Variants in TREML2 observed in about 807,000 individuals in gnomAD.
TREML2 encodes trem-like transcript 2 protein.
Under a neutral mutation model 25.9 loss-of-function variants are expected in TREML2, and 24 were observed. The observed-to-expected ratio is 0.93, with a 90% confidence interval of 0.67 to 1.30. The LOEUF is 1.30. TREML2 is among the 50% of genes most tolerant of loss of function. The pLI is 0.00. For missense variants in TREML2, 359 were observed against 395.6 expected (o/e 0.91, Z 0.78); for synonymous variants, 139 against 155.2 (o/e 0.90, Z 0.77).
rs116704654 is a variant in TREML2 at position 41,195,395 on chromosome 6, G to T, written c.377-562C>A. ...CATCCCATTTTCTAGAAGAAGCCTG[G>T]GTTTTGGACAGTGGATGAGGAGGGA... On this transcript the variant is annotated intron_variant, in intron 2 of 4. Transcript: ENST00000483722. 8.4e-3 allele frequency among the ~76,000 whole-genome samples: 1,285 copies of T among 152,258 alleles called. 11 individuals carry two copies. The highest frequency in any genetic ancestry group is 0.029 in the African/African-American group (1,189 of 41,544).
intron 1 of TREML2, among the ~76,000 whole-genome samples, chr6:41,199,728 ACT>A (rs1384624147): frequency 2.0e-5 from 3 of 151,628 alleles, no homozygotes; most frequent in Non-Finnish European, 4.4e-5. Flanking sequence ...ATATAAAAAG[ACT>A]CTCCCCCATA....
rs767759980 is a variant in TREML2 at position 41,198,309 on chromosome 6, C to A, written c.176G>T (p.Arg59Met). The A allele has an allele frequency of 6.2e-7, 1 of 1,614,132 alleles. No homozygotes were observed. The highest frequency in any genetic ancestry group is 2.2e-5 in the East Asian group (1 of 44,896). Residue 59 changes from arginine (R) to methionine (M), a missense_variant, in exon 2 of 5, where the codon AGG (arginine) becomes ATG (methionine). Arg to Met is a moderately conservative substitution (Grantham distance 91, BLOSUM62 -1). Transcript: ENST00000483722. ...AAAGCCAGGCTCACACTTCTTCTTCCTGATTTTGCACCAAACCTTGCCCTC... is the reference window on the plus strand; with the variant it reads ...AAAGCCAGGCTCACACTTCTTCTTCATGATTTTGCACCAAACCTTGCCCTC... ...RVEGKVWCKIRKKKCEPGFAR... is the reference protein window; with the variant it reads ...RVEGKVWCKIMKKKCEPGFAR...
Position 41,194,796 on chromosome 6 carries a change from C to T in TREML2, c.414G>A (p.Leu138=), listed in dbSNP as rs933667343. Residue 138 remains leucine (L), a synonymous_variant, in exon 3 of 5, where the codon CTG becomes CTA. Coordinates refer to ENST00000483722, the MANE Select transcript of TREML2 (RefSeq NM_024807.4). ...CAGTTCCACTCTTGAGGATGTTGTC[C>T]AGATGTGTGAAAGGAATGTTCCTCT... The part of the protein sequence containing the change: ...QTERNIPFTH[L]DNILKSGTVT... 1.3e-6 allele frequency: 2 copies of T among 1,591,516 alleles called. No individual in the cohort carries two copies. The highest frequency in any genetic ancestry group is 1.3e-5 in the African/African-American group (1 of 74,140).
intron 2 of TREML2, among the ~76,000 whole-genome samples, chr6:41,195,362 C>T (rs574351911): frequency 1.0e-3 from 156 of 152,266 alleles, no homozygotes; most frequent in African/African-American, 3.6e-3. Context: ...ATCAACCCAG[C>T]CCTTTTCCAT....
At position 41,195,210 on chromosome 6, in the gene TREML2, T is replaced by C. The variant is rs145997839; in HGVS notation, c.377-377A>G. ...AACAAGAACTTTTCCAGCTATTCCA[T>C]AATTGACAAGTAGGGTCCAGAGATG... On this transcript the variant is annotated intron_variant, in intron 2 of 4. Coordinates refer to ENST00000483722, the MANE Select transcript of TREML2 (RefSeq NM_024807.4). 1.3e-4 allele frequency among the ~76,000 whole-genome samples: 20 copies of C among 152,234 alleles called. No homozygotes were observed. The East Asian group carries it at 3.9e-3, about 29-fold the overall frequency.
chr6:41,195,635 A>G (rs896420787), intron 2 of TREML2, among the ~76,000 whole-genome samples: 5 of 152,210 alleles, frequency 3.3e-5, no homozygotes, highest in African/African-American at 1.2e-4. Flanking sequence ...GAGGATGGGA[A>G]TAGAGGAAGA....
Position 41,191,152 on chromosome 6 carries a change from T to C in TREML2, c.*1275A>G. Reference sequence around the variant, plus strand: ...TATCCCCAGGTGCTATTCCAGTCACTCCAGGTCAGTAGACACCTGTGTGTG... The same window carrying C: ...TATCCCCAGGTGCTATTCCAGTCACCCCAGGTCAGTAGACACCTGTGTGTG... On this transcript the variant is annotated 3_prime_UTR_variant, in exon 5 of 5. Transcript: ENST00000483722. 6.5e-6 allele frequency: 1 copy of C among 154,018 alleles called. No individual in the cohort carries two copies. The highest frequency in any genetic ancestry group is 1.9e-4 in the East Asian group (1 of 5,180). The allele number at this position is 154,018 out of a possible 1,614,324, so 9.5% of individuals were successfully genotyped here.
At chr6:41,194,892 G>A in intron 2 of TREML2, 59 bp from the exon 3 acceptor site, 7 of 1,494,062 alleles carry the variant, frequency 4.7e-6, no homozygotes, top group Non-Finnish European at 5.4e-6. Flanking sequence ...GCTGGGAGCA[G>A]ATCCTGGCAA....
rs1375408240 is a variant in TREML2, at chr6:41,192,731, G to A, written c.886+70C>T. ...CAAGGGCCATACCACGTGGGGACTCGAGGTCATAACCCTTAGTGCAGTTAC... is the reference window on the plus strand; with the variant it reads ...CAAGGGCCATACCACGTGGGGACTCAAGGTCATAACCCTTAGTGCAGTTAC... On this transcript the variant is annotated intron_variant, in intron 4 of 4. Transcript: ENST00000483722. The A allele has an allele frequency of 3.0e-5, 43 of 1,415,726 alleles. No individual in the cohort carries two copies. In the East Asian group the frequency reaches 3.1e-4, roughly 10 times the overall value. The allele number at this position is 1,415,726 out of a possible 1,614,324, so 87.7% of individuals were successfully genotyped here.
intron 1 of TREML2, among the ~76,000 whole-genome samples, chr6:41,198,705 C>T (rs981793790): frequency 1.3e-5 from 2 of 152,176 alleles, no homozygotes; most frequent in African/African-American, 4.8e-5. Context: ...AGGTATATCC[C>T]TCAGTGAGTC....
Position 41,200,336 on chromosome 6 carries a change from G to A in TREML2, c.55+618C>T, listed in dbSNP as rs528516320. Among the ~76,000 whole-genome samples, 28 of 152,308 alleles carry A rather than the reference G, an allele frequency of 1.8e-4. No homozygotes were observed. In the South Asian group the frequency reaches 5.4e-3, roughly 29 times the overall value. ...CCTTGGGATGGGTCTCCAGGGCAAT[G>A]TCTTCATGTGTGCCTACACCTCCCA... On this transcript the variant is annotated intron_variant, in intron 1 of 4. Transcript: ENST00000483722.
intron 4 of TREML2, 56 bp from the exon 5 acceptor site, chr6:41,192,562 T>A (rs1766085017): frequency 2.6e-6 from 4 of 1,526,494 alleles, no homozygotes; most frequent in Non-Finnish European, 2.7e-6. Context: ...GGTGCCCCGA[T>A]GCTCCTCCAC....
At position 41,197,964 on chromosome 6, in the gene TREML2, G is replaced by A. The variant is rs764022991; in HGVS notation, c.376+145C>T. On this transcript the variant is annotated intron_variant, in intron 2 of 4. Transcript: ENST00000483722. ...TGTAAAATGGTGACAATAGTGCCACGAATAGTGCCATAAAGGCACTCTGAA... is the reference window on the plus strand; with the variant it reads ...TGTAAAATGGTGACAATAGTGCCACAAATAGTGCCATAAAGGCACTCTGAA... 3.7e-5 allele frequency: 28 copies of A among 749,048 alleles called. 1 individual carries two copies. The highest frequency in any genetic ancestry group is 5.5e-5 in the Non-Finnish European group (26 of 475,776). 46.4% of individuals were successfully genotyped at this position (749,048 alleles called of 1,614,324 possible).
In TREML2 at chr6:41,192,236, G is replaced by T; in HGVS notation, c.*191C>A. 5.0e-6 allele frequency: 3 copies of T among 594,082 alleles called. No homozygotes were observed. In the East Asian group the frequency reaches 8.4e-5, roughly 17 times the overall value. The allele number at this position is 594,082 out of a possible 1,614,324, so 36.8% of individuals were successfully genotyped here. A position where few individuals can be genotyped will look rare whatever the true frequency, so the allele number is the denominator to read the frequency against. On this transcript the variant is annotated 3_prime_UTR_variant, in exon 5 of 5. Transcript: ENST00000483722. ...GCTCTGGGCCCCTCCCCAGGTTCCT[G>T]CCCCCAAGGAGAACACTGGGCTGTG...
rs1766030680 is a variant in TREML2 at position 41,190,387 on chromosome 6, G to A, written c.*2040C>T. On this transcript the variant is annotated 3_prime_UTR_variant, in exon 5 of 5. Transcript: ENST00000483722. ...AGTGATGACACTTGGGAAGAGATAT[G>A]ACAAAAGCAAGAAACAGAATCCTAA... The A allele has an allele frequency of 6.6e-6, 1 of 152,080 alleles. No homozygotes were observed. Among genetic ancestry groups the A allele is most frequent in the African/African-American group, 2.4e-5 (1 of 41,408 alleles). 9.4% of individuals were successfully genotyped at this position (152,080 alleles called of 1,614,324 possible). A position where few individuals can be genotyped will look rare whatever the true frequency, so the allele number is the denominator to read the frequency against.
In TREML2 at chr6:41,189,894, G is replaced by T. The variant is rs993401845; in HGVS notation, c.*2533C>A. On this transcript the variant is annotated 3_prime_UTR_variant, in exon 5 of 5. Transcript: ENST00000483722. ...GGACTGGGCAGCTCATCTGCATAAG[G>T]CATGAATTTCTGGTAGCTCCCTGCT... 6.6e-6 allele frequency among the ~76,000 whole-genome samples: 1 copy of T among 152,176 alleles called. No individual in the cohort carries two copies. Among genetic ancestry groups the T allele is most frequent in the African/African-American group, 2.4e-5 (1 of 41,430 alleles).
rs1260599584 is a variant in TREML2, at chr6:41,192,273, G to A, written c.*154C>T. 1 of 662,668 alleles carries A rather than the reference G, an allele frequency of 1.5e-6. No individual in the cohort carries two copies. Among genetic ancestry groups the A allele is most frequent in the African/African-American group, 1.8e-5 (1 of 56,058 alleles). The allele number at this position is 662,668 out of a possible 1,614,324, so 41.0% of individuals were successfully genotyped here. A position where few individuals can be genotyped will look rare whatever the true frequency, so the allele number is the denominator to read the frequency against. ...AACACTGGGCTGTGGGGCTGCTTAG[G>A]ATGGCAGCCTCTGGGTTTGGGAAGT... is the stretch of plus-strand genomic sequence containing the variant. On this transcript the variant is annotated 3_prime_UTR_variant, in exon 5 of 5. Coordinates refer to ENST00000483722, the MANE Select transcript of TREML2 (RefSeq NM_024807.4).
At chr6:41,192,721 G>A (rs6924143) in intron 4 of TREML2, 80 bp downstream of exon 4, 9 of 1,341,750 alleles carry the variant, frequency 6.7e-6, no homozygotes, top group East Asian at 4.9e-5. Context: ...GCCATACCAC[G>A]TGGGGACTCG....
intron 1 of TREML2, among the ~76,000 whole-genome samples, chr6:41,199,235 C>A (rs1766233932): frequency 6.6e-6 from 1 of 152,174 alleles, no homozygotes; most frequent in South Asian, 2.1e-4. Context: ...AAACACAGGT[C>A]ATTAAGTTGT....
Sources: gnomAD v4.1 joint callset for allele counts (sites outside exome capture counted in the v4.1 genomes callset) on GRCh38, gnomAD v4.1.1 for gene constraint, MANE v1.5 for transcripts, NCBI Gene and HGNC (gene_info 2026-07-23, HGNC 2026-07-21) for gene names.